Variants in NOTCH2NLB observed in about 807,000 individuals in gnomAD.
NOTCH2NLB encodes notch 2 N-terminal like B, also known as notch homolog 2 N-terminal-like protein B.
A neutral mutation model predicts 14.8 loss-of-function variants in NOTCH2NLB; 1 was observed. The ratio of observed to expected loss-of-function variants is 0.07; its 90% CI spans 0.02 to 0.32. The LOEUF (loss-of-function observed/expected upper bound fraction) is 0.32. Among genes scored for constraint, NOTCH2NLB ranks in the 10% least tolerant of loss-of-function variants. The pLI, the probability that NOTCH2NLB is intolerant of heterozygous loss-of-function variation, is 1.00. For missense variants in NOTCH2NLB, 11 were observed against 155.0 expected, an observed-to-expected ratio of 0.07 and a Z score of 4.93; for synonymous variants, 6 against 57.5, an observed-to-expected ratio of 0.10 and a Z score of 4.05.
intron 1 of NOTCH2NLB, among the ~76,000 whole-genome samples, chr1:148,673,491 G>A (rs1376259149): frequency 1.1e-5 from 1 of 87,602 alleles, no homozygotes; most frequent in Middle Eastern, 4.9e-3. Flanking sequence ...ATTTGCAACG[G>A]CTGAGGACAG....
At chr1:148,610,367 A>G (rs1402270728) in intron 3 of NOTCH2NLB, among the ~76,000 whole-genome samples, 1 of 118,368 alleles carries the variant, frequency 8.4e-6, no homozygotes, top group East Asian at 2.2e-4. Context: ...GAAAGAAAGA[A>G]AGAAAGAGAA....
At chr1:148,627,427 CAT>C (rs1332332993) in intron 2 of NOTCH2NLB, among the ~76,000 whole-genome samples, 1 of 125,538 alleles carries the variant, frequency 8.0e-6, no homozygotes, top group African/African-American at 3.0e-5. Context: ...ACTAGTAAAA[CAT>C]AAAGATATAT....
chr1:148,621,636 C>T (rs1663876379), intron 2 of NOTCH2NLB, among the ~76,000 whole-genome samples: 1 of 121,288 alleles, frequency 8.2e-6, no homozygotes, highest in Admixed American at 7.8e-5. Flanking sequence ...TATGTCTTAA[C>T]TTTGAAAAGA....
chr1:148,621,477 TAGAC>T (rs1342103433), intron 2 of NOTCH2NLB, among the ~76,000 whole-genome samples: 1 of 88,490 alleles, frequency 1.1e-5, no homozygotes, highest in Non-Finnish European at 1.9e-5. Flanking sequence ...AGAAGGGAAA[TAGAC>T]AGTGACTACT....
intron 1 of NOTCH2NLB, among the ~76,000 whole-genome samples, chr1:148,661,651 G>A (rs1664689500): frequency 6.7e-6 from 1 of 149,898 alleles, no homozygotes; most frequent in South Asian, 2.1e-4. Flanking sequence ...ACATAAAAGT[G>A]CCAAATTCTT....
At chr1:148,645,761 A>ACTC (rs1439995416) in intron 1 of NOTCH2NLB, among the ~76,000 whole-genome samples, 5 of 150,382 alleles carry the variant, frequency 3.3e-5, no homozygotes, top group African/African-American at 1.2e-4. Context: ...TCACAGGGCC[A>ACTC]CCCCCCCACC....
intron 2 of NOTCH2NLB, among the ~76,000 whole-genome samples, chr1:148,638,657 C>T (rs1664272443): frequency 1.3e-5 from 2 of 149,048 alleles, no homozygotes; most frequent in South Asian, 2.1e-4. Context: ...TCCAAACAAC[C>T]TATTGTTAAG....
intron 1 of NOTCH2NLB, among the ~76,000 whole-genome samples, chr1:148,651,144 G>GAAAAAAAAAA (rs1159790526): frequency 2.0e-4 from 15 of 76,478 alleles, no homozygotes; most frequent in South Asian, 4.7e-4. Flanking sequence ...CTCTGCCTGA[G>GAAAAAAAAAA]AAAAAAAAAA....
rs1440922159 is a variant in NOTCH2NLB at position 148,679,443 on chromosome 1, C to T, written c.3+19G>A. The T allele has an allele frequency of 3.0e-6, 3 of 1,015,732 alleles. No homozygotes were observed. Among genetic ancestry groups the T allele is most frequent in the African/African-American group, 4.1e-5 (2 of 48,484 alleles). The allele number at this position is 1,015,732 out of a possible 1,614,324, so 62.9% of individuals were successfully genotyped here. ...CAGCCCCGGGCGCCGCGGACAGCGC[C>T]CCTCAGCCCGATACTCACCATGCGC... On this transcript the variant is annotated intron_variant, in intron 1 of 4. Coordinates refer to ENST00000593495, the Ensembl canonical transcript of NOTCH2NLB.
chr1:148,685,033 C>T, the NOTCH2NLB span, among the ~76,000 whole-genome samples: 3 of 100,164 alleles, frequency 3.0e-5, no homozygotes, highest in East Asian at 8.9e-4. Context: ...TTAAAATCTT[C>T]TTTTAAGCAT....
chr1:148,609,937 T>G (rs1374298714), intron 3 of NOTCH2NLB, among the ~76,000 whole-genome samples: 1 of 137,762 alleles, frequency 7.3e-6, no homozygotes, highest in Non-Finnish European at 1.6e-5. Context: ...GGAGAAGAGA[T>G]ATAAATGCTC....
rs1203706116 is a variant in NOTCH2NLB at position 148,650,896 on chromosome 1, T to C, written c.4-10807A>G. ...GGCTCATGTCTTTAATCCCAGCACT[T>C]TGGGAGGCCGAGGTGGGCGGATCAC... is the stretch of plus-strand genomic sequence containing the variant. On this transcript the variant is annotated intron_variant, in intron 1 of 4. Coordinates refer to ENST00000593495, the Ensembl canonical transcript of NOTCH2NLB. Among the ~76,000 whole-genome samples the C allele has an allele frequency of 6.0e-5, 7 of 117,474 alleles. No homozygotes were observed. In the East Asian group the frequency reaches 8.1e-4, roughly 14 times the overall value. 77.1% of individuals were successfully genotyped at this position (117,474 alleles called of 152,430 possible). A position where few individuals can be genotyped will look rare whatever the true frequency, so the allele number is the denominator to read the frequency against.
Position 148,607,402 on chromosome 1 carries a change from CTCCT to C in NOTCH2NLB, c.673+4_673+7del. 1 of 625,900 alleles carries C rather than the reference CTCCT, an allele frequency of 1.6e-6. No homozygotes were observed. The highest frequency in any genetic ancestry group is 3.0e-5 in the East Asian group (1 of 33,434). 38.8% of individuals were successfully genotyped at this position (625,900 alleles called of 1,614,324 possible). ...CCCCTAATCCTGGGACACTAGGGAG[CTCCT>C]TACCTGGAAGGCAGTTGCACTCAAA... On this transcript the variant is annotated splice_donor_5th_base_variant and intron_variant, in intron 4 of 4. Coordinates refer to ENST00000593495, the Ensembl canonical transcript of NOTCH2NLB.
intron 3 of NOTCH2NLB, among the ~76,000 whole-genome samples, chr1:148,615,433 C>T (rs1241713752): frequency 2.2e-3 from 58 of 26,502 alleles, no homozygotes; most frequent in African/African-American, 3.6e-3. Flanking sequence ...TGCAAGCGTG[C>T]GCCACCGCAC....
downstream of NOTCH2NLB, among the ~76,000 whole-genome samples, chr1:148,604,948 TATAC>T (rs1228869463): frequency 4.8e-3 from 496 of 103,304 alleles, 7 homozygotes; most frequent in East Asian, 0.025. Flanking sequence ...CACAACGCCA[TATAC>T]ACACACACAC....
the NOTCH2NLB span, among the ~76,000 whole-genome samples, chr1:148,685,135 A>G: frequency 1.7e-4 from 12 of 70,516 alleles, no homozygotes; most frequent in African/African-American, 6.3e-4. Context: ...GTATGCACCA[A>G]GATGTCTCCC....
At chr1:148,630,735 TA>T in intron 2 of NOTCH2NLB, among the ~76,000 whole-genome samples, 1 of 69,560 alleles carries the variant, frequency 1.4e-5, no homozygotes, top group South Asian at 6.8e-4. Context: ...TGAGTGTCCA[TA>T]GTTATTATCT....
At chr1:148,651,144 G>GGAAA (rs1225742292) in intron 1 of NOTCH2NLB, among the ~76,000 whole-genome samples, 1 of 76,504 alleles carries the variant, frequency 1.3e-5, no homozygotes, top group Admixed American at 1.6e-4. Context: ...CTCTGCCTGA[G>GGAAA]AAAAAAAAAA....
At position 148,679,490 on chromosome 1, in the gene NOTCH2NLB, G is replaced by GAGCGCCAGC; in HGVS notation, c.-35_-27dup. On this transcript the variant is annotated 5_prime_UTR_variant, in exon 1 of 5. Transcript: ENST00000593495. ...GCGCGGGGGTCGCGCAGCACAGCCA[G>GAGCGCCAGC]AGCGCCAGCAGCGCCCACAGCAGAG... The GAGCGCCAGC allele has an allele frequency of 4.5e-6, 5 of 1,117,838 alleles. 2 individuals carry two copies. The highest frequency in any genetic ancestry group is 5.8e-6 in the Non-Finnish European group (5 of 867,396). 69.2% of individuals were successfully genotyped at this position (1,117,838 alleles called of 1,614,324 possible).
Sources: gnomAD v4.1 joint callset for allele counts (sites outside exome capture counted in the v4.1 genomes callset) on GRCh38, gnomAD v4.1.1 for gene constraint, MANE v1.5 for transcripts, NCBI Gene and HGNC (gene_info 2026-07-23, HGNC 2026-07-21) for gene names.